Variants in ERC1 observed in about 807,000 individuals in gnomAD.
The protein encoded by ERC1 is RAB6 interacting protein 2.
In ERC1, 56 loss-of-function variants were observed where a neutral mutation model predicts 132.0. The observed-to-expected ratio is 0.42, with a 90% confidence interval of 0.34 to 0.53. The LOEUF is 0.53. ERC1 is among the 20% of genes least tolerant of loss of function. The pLI, the probability that ERC1 is intolerant of heterozygous loss-of-function variation, is 0.03. For synonymous variants in ERC1, 478 were observed against 476.1 expected, an observed-to-expected ratio of 1.00 and a Z score of -0.05; for missense variants, 1,202 against 1,349.9, an observed-to-expected ratio of 0.89 and a Z score of 1.72.
At chr12:1,308,229 T>TTATTAC (rs2081030082) in intron 15 of ERC1, among the ~76,000 whole-genome samples, 1 of 152,016 alleles carries the variant, frequency 6.6e-6, no homozygotes, top group South Asian at 2.1e-4. Context: ...ATTATTATTA[T>TTATTAC]TATTTGCATG....
chr12:1,485,371 G>GTTTTTGTAT (rs899883342), intron 18 of ERC1, among the ~76,000 whole-genome samples: 1 of 150,774 alleles, frequency 6.6e-6, no homozygotes, highest in Non-Finnish European at 1.5e-5. Context: ...CGCCTGGCTA[G>GTTTTTGTAT]TTTTTGTATT....
At chr12:1,309,788 G>A (rs1004001846) in intron 15 of ERC1, among the ~76,000 whole-genome samples, 21 of 150,530 alleles carry the variant, frequency 1.4e-4, no homozygotes, top group Admixed American at 1.3e-3. Flanking sequence ...TCACAGACTC[G>A]AGAGACTGAC....
At chr12:1,390,192 T>C (rs1016010513) in intron 16 of ERC1, among the ~76,000 whole-genome samples, 4 of 152,216 alleles carry the variant, frequency 2.6e-5, no homozygotes, top group African/African-American at 9.6e-5. Flanking sequence ...TGGTATGTTA[T>C]GATTAGTGAT....
At position 1,203,193 on chromosome 12, in the gene ERC1, G is replaced by A. The variant is rs1282052594; in HGVS notation, c.2351+13141G>A. On this transcript the variant is annotated intron_variant, in intron 12 of 18. Coordinates refer to ENST00000360905, the MANE Select transcript of ERC1 (RefSeq NM_178040.4). ...GTGCCTCAGCCTCCTGAGTACCTGG[G>A]ACTACAGGCGTGTGCCACCACGCCT... Among the ~76,000 whole-genome samples, 4 of 152,194 alleles carry A rather than the reference G, an allele frequency of 2.6e-5. No homozygotes were observed. In the East Asian group the frequency reaches 5.8e-4, roughly 22 times the overall value.
intron 7 of ERC1, among the ~76,000 whole-genome samples, chr12:1,123,694 C>A (rs921422703): frequency 2.0e-5 from 3 of 152,168 alleles, no homozygotes; most frequent in Non-Finnish European, 4.4e-5. Context: ...AACAGCATGG[C>A]ATTTAAATAC....
chr12:1,224,250 T>C (rs2074378224), intron 12 of ERC1, among the ~76,000 whole-genome samples: 1 of 152,168 alleles, frequency 6.6e-6, no homozygotes, highest in Non-Finnish European at 1.5e-5. Flanking sequence ...ACCATGTGCA[T>C]GCACACACAC....
intron 2 of ERC1, among the ~76,000 whole-genome samples, chr12:1,059,371 T>G (rs1236567724): frequency 6.6e-6 from 1 of 152,170 alleles, no homozygotes; most frequent in Admixed American, 6.5e-5. Flanking sequence ...CAGTACTATG[T>G]TGAGTAAGAA....
rs146393932 is a variant in ERC1 at position 1,066,180 on chromosome 12, C to G, written c.670-16984C>G. On this transcript the variant is annotated intron_variant, in intron 2 of 18. Coordinates refer to ENST00000360905, the MANE Select transcript of ERC1 (RefSeq NM_178040.4). The stretch of plus-strand genomic sequence containing the variant: ...ATTTTATGTTATATGAACTACACCT[C>G]AATACATTATTTTTTAAAAGTTTTA... Among the ~76,000 whole-genome samples the G allele has an allele frequency of 3.2e-3, 480 of 152,266 alleles. 1 individual carries two copies. Among genetic ancestry groups the G allele is most frequent in the African/African-American group, 0.011 (457 of 41,524 alleles).
At chr12:1,046,981 G>A (rs1971176121) in intron 2 of ERC1, among the ~76,000 whole-genome samples, 1 of 152,220 alleles carries the variant, frequency 6.6e-6, no homozygotes, top group Non-Finnish European at 1.5e-5. Context: ...GTTGCCTGAA[G>A]TGTTATCACT....
intron 18 of ERC1, among the ~76,000 whole-genome samples, chr12:1,476,833 A>G (rs745526124): frequency 2.6e-5 from 4 of 152,252 alleles, no homozygotes; most frequent in African/African-American, 4.8e-5. Context: ...TAATATTTAT[A>G]GTAATGAAAA....
chr12:1,071,340 T>C (rs1267195753), intron 2 of ERC1, among the ~76,000 whole-genome samples: 2 of 152,238 alleles, frequency 1.3e-5, no homozygotes, highest in East Asian at 1.9e-4. Context: ...GTTAATTGTC[T>C]AAATTTTAGC....
chr12:1,187,569 A>T (rs1955240511), intron 11 of ERC1, among the ~76,000 whole-genome samples: 1 of 152,058 alleles, frequency 6.6e-6, no homozygotes, highest in Non-Finnish European at 1.5e-5. Flanking sequence ...ACCTGGCCTC[A>T]TTTGATATTC....
intron 7 of ERC1, among the ~76,000 whole-genome samples, chr12:1,130,856 G>A (rs191751704): frequency 1.3e-5 from 2 of 152,220 alleles, no homozygotes; most frequent in East Asian, 1.9e-4. Flanking sequence ...CATCTAGGTG[G>A]GAACAATGGG....
chr12:993,098 A>G lies in ERC1; in HGVS notation c.-157+1776A>G, dbSNP rs1034916730. ...TATAGAGAGGTATGGGAAACAGGAC[A>G]TAATAGGTATTAAGTGAGAAAGTGT... On this transcript the variant is annotated intron_variant, in intron 1 of 18. Coordinates refer to ENST00000360905, the MANE Select transcript of ERC1 (RefSeq NM_178040.4). 3.3e-5 allele frequency among the ~76,000 whole-genome samples: 5 copies of G among 152,372 alleles called. No individual in the cohort carries two copies. The East Asian group carries it at 9.6e-4, about 29-fold the overall frequency.
At chr12:1,418,219 A>G (rs1366476558) in intron 17 of ERC1, among the ~76,000 whole-genome samples, 1 of 152,254 alleles carries the variant, frequency 6.6e-6, no homozygotes, top group Non-Finnish European at 1.5e-5. Flanking sequence ...AATTCAGGAC[A>G]TGCTACCCCA....
chr12:1,003,402 TAAAAC>T (rs1225917713), intron 1 of ERC1, among the ~76,000 whole-genome samples: 1 of 152,230 alleles, frequency 6.6e-6, no homozygotes, highest in Admixed American at 6.5e-5. Flanking sequence ...TATATTGAAA[TAAAAC>T]TGAATTTTGA....
intron 12 of ERC1, among the ~76,000 whole-genome samples, chr12:1,233,984 C>G (rs566774346): frequency 6.6e-6 from 1 of 152,236 alleles, no homozygotes; most frequent in South Asian, 2.1e-4. Flanking sequence ...GTTAAACATG[C>G]TCTTTTTTGG....
chr12:1,057,391 G>T (rs1006241104), intron 2 of ERC1, among the ~76,000 whole-genome samples: 1 of 152,044 alleles, frequency 6.6e-6, no homozygotes. Context: ...CCTGGAAAGC[G>T]CTGGGCTTAC....
In ERC1 at chr12:1,344,081, T is replaced by TC. The variant is rs1180074563; in HGVS notation, c.2781-27746dup. Among the ~76,000 whole-genome samples, 3 of 152,074 alleles carry TC rather than the reference T, an allele frequency of 2.0e-5. No individual in the cohort carries two copies. In the South Asian group the frequency reaches 6.2e-4, roughly 31 times the overall value. ...TGGTCTCGATCTCCTGACCTCGTGATCCCCCCACTTCGGCCTCCCAAAGTG... is the reference window on the plus strand; with the variant it reads ...TGGTCTCGATCTCCTGACCTCGTGATCCCCCCCACTTCGGCCTCCCAAAGTG... On this transcript the variant is annotated intron_variant, in intron 15 of 18. Transcript: ENST00000360905.
Sources: allele counts gnomAD v4.1 joint callset (sites outside exome capture counted in the v4.1 genomes callset), GRCh38; gene constraint gnomAD v4.1.1; transcripts MANE v1.5; gene names NCBI Gene and HGNC (gene_info 2026-07-23, HGNC 2026-07-21).